HERC1: variants seen among roughly 807,000 people sequenced by gnomAD.
The protein encoded by HERC1 is HECT and RLD domain containing E3 ubiquitin protein ligase family member 1.
A neutral mutation model predicts 554.3 loss-of-function variants in HERC1; 160 were observed. That is an observed-to-expected ratio of 0.29 (90% confidence interval 0.25 to 0.33). The LOEUF (loss-of-function observed/expected upper bound fraction) is 0.33. Among genes scored for constraint, HERC1 ranks in the 10% least tolerant of loss-of-function variants. The pLI is 1.00. For missense variants in HERC1, 4,919 were observed against 5,918.5 expected, an observed-to-expected ratio of 0.83 and a Z score of 5.54; for synonymous variants, 2,175 against 2,131.7, an observed-to-expected ratio of 1.02 and a Z score of -0.56.
chr15:63,746,688 C>T (rs1158105743), intron 12 of HERC1, among the ~76,000 whole-genome samples: 2 of 152,004 alleles, frequency 1.3e-5, no homozygotes, highest in East Asian at 3.9e-4. Context: ...AGAACATATA[C>T]AAGAAAAACC....
chr15:63,612,606 C>G lies in HERC1; in HGVS notation c.14095-50G>C. On this transcript the variant is annotated intron_variant, in intron 76 of 77. Transcript: ENST00000443617. The surrounding 1 kb of genome is among the most constrained non-coding windows in gnomAD (Gnocchi z 5.0). ...TCAATGAGTGTGCGTGAACCTGGCACCCACCAAGGGCCCTGTGGGGCTAGG... is the reference window on the plus strand; with the variant it reads ...TCAATGAGTGTGCGTGAACCTGGCAGCCACCAAGGGCCCTGTGGGGCTAGG... 1 of 1,563,548 alleles carries G rather than the reference C, an allele frequency of 6.4e-7. No homozygotes were observed. Among genetic ancestry groups the G allele is most frequent in the South Asian group, 1.2e-5 (1 of 83,352 alleles).
At chr15:63,617,667 C>A (rs2067882781) in intron 74 of HERC1, among the ~76,000 whole-genome samples, 2 of 152,132 alleles carry the variant, frequency 1.3e-5, no homozygotes, top group South Asian at 4.1e-4. Flanking sequence ...CTCTCCAGCA[C>A]CTGTTGTTTC....
intron 1 of HERC1, among the ~76,000 whole-genome samples, chr15:63,791,805 G>T (rs1452908835): frequency 6.6e-6 from 1 of 152,086 alleles, no homozygotes. Context: ...TAAAGAAGTT[G>T]ATATTTCTTC....
chr15:63,663,587 T>C (rs1388454143), intron 43 of HERC1, among the ~76,000 whole-genome samples: 1 of 152,184 alleles, frequency 6.6e-6, no homozygotes, highest in Non-Finnish European at 1.5e-5. Flanking sequence ...TCTGAGTAGC[T>C]AGGACTACAG....
At chr15:63,609,907 C>T (rs753211813) in intron 77 of HERC1, among the ~76,000 whole-genome samples, 2 of 152,014 alleles carry the variant, frequency 1.3e-5, no homozygotes, top group Admixed American at 1.3e-4. Flanking sequence ...GTTCAGGATA[C>T]ATTAGGAGGT....
intron 17 of HERC1, 34 bp from the exon 18 acceptor site, chr15:63,725,547 T>C (rs766010969): frequency 2.0e-6 from 3 of 1,536,392 alleles, no homozygotes; most frequent in Non-Finnish European, 2.7e-6. Flanking sequence ...TGTGTCTTTA[T>C]CTGGTACTTT....
At chr15:63,739,407 G>C (rs2074695846) in intron 12 of HERC1, among the ~76,000 whole-genome samples, 1 of 151,564 alleles carries the variant, frequency 6.6e-6, no homozygotes, top group South Asian at 2.1e-4. Flanking sequence ...ATGTTGGCCA[G>C]GCTGGTCTCG....
intron 1 of HERC1, among the ~76,000 whole-genome samples, chr15:63,825,748 G>GA (rs1203622724): frequency 2.0e-5 from 3 of 150,676 alleles, no homozygotes; most frequent in East Asian, 1.9e-4. Flanking sequence ...AGAAAACCAC[G>GA]AAAAAAAAGA....
In HERC1 at chr15:63,749,794, GA is replaced by G; in HGVS notation, c.1903-4del. 6.5e-7 allele frequency: 1 copy of G among 1,537,076 alleles called. No homozygotes were observed. The highest frequency in any genetic ancestry group is 8.7e-7 in the Non-Finnish European group (1 of 1,143,590). ...GCTCCACAGCCCCAAGCATAGACCT[GA>G]AAAAAACAGAAATACGTTACACATA... On this transcript the variant is annotated splice_region_variant and splice_polypyrimidine_tract_variant and intron_variant, in intron 8 of 77. Coordinates refer to ENST00000443617, the MANE Select transcript of HERC1 (RefSeq NM_003922.4). This position sits in a 1 kb window ranked among gnomAD's most constrained non-coding sequence, Gnocchi z 4.1.
chr15:63,609,019 A>G lies in HERC1; in HGVS notation c.*62T>C, dbSNP rs2067478920. On this transcript the variant is annotated 3_prime_UTR_variant, in exon 78 of 78. Transcript: ENST00000443617. ...TATGTAGTTACCATAAAAGTATATC[A>G]ACATCAAATCAGAAGTGAGCATTAT... 2.8e-6 allele frequency: 4 copies of G among 1,439,074 alleles called. No homozygotes were observed. The Middle Eastern group carries it at 5.3e-4, about 192-fold the overall frequency. The allele number at this position is 1,439,074 out of a possible 1,614,324, so 89.1% of individuals were successfully genotyped here.
rs2075434890 is a variant in HERC1, at chr15:63,756,910, T to C, written c.1222-162A>G. 6.6e-6 allele frequency among the ~76,000 whole-genome samples: 1 copy of C among 152,224 alleles called. No homozygotes were observed. Among genetic ancestry groups the C allele is most frequent in the Non-Finnish European group, 1.5e-5 (1 of 68,034 alleles). On this transcript the variant is annotated intron_variant, in intron 4 of 77. Coordinates refer to ENST00000443617, the MANE Select transcript of HERC1 (RefSeq NM_003922.4). The surrounding 1 kb of genome is among the most constrained non-coding windows in gnomAD (Gnocchi z 5.0). ...ATACAGAAATCTAAGAGAACACGAA[T>C]GGCCTTTTCATGCTCACAACTTTGT...
chr15:63,652,333 T>C (rs1465219687), intron 52 of HERC1, 81 bp downstream of exon 52: 5 of 1,327,510 alleles, frequency 3.8e-6, no homozygotes, highest in Non-Finnish European at 5.0e-6. Flanking sequence ...AGTGACAATA[T>C]GATTACATTA....
chr15:63,651,960 C>G (rs2069707783), intron 52 of HERC1, among the ~76,000 whole-genome samples: 1 of 152,126 alleles, frequency 6.6e-6, no homozygotes, highest in Non-Finnish European at 1.5e-5. Flanking sequence ...CACTTGAACC[C>G]AGGAGGCAGA....
At chr15:63,814,385 CAT>C (rs2077425862) in intron 1 of HERC1, among the ~76,000 whole-genome samples, 1 of 151,080 alleles carries the variant, frequency 6.6e-6, no homozygotes, top group African/African-American at 2.4e-5. Flanking sequence ...TTCTTTAATA[CAT>C]GTTATTTGCC....
chr15:63,755,451 A>C, intron 5 of HERC1, 126 bp from the exon 6 acceptor site: 1 of 747,960 alleles, frequency 1.3e-6, no homozygotes, highest in South Asian at 1.6e-5. Flanking sequence ...TTCCAGGTAC[A>C]GTTGTGGAGG....
Position 63,609,030 on chromosome 15 carries a change from A to C in HERC1, c.*51T>G. ...CATAAAAGTATATCAACATCAAATC[A>C]GAAGTGAGCATTATTGAGGGAGAGA... On this transcript the variant is annotated 3_prime_UTR_variant, in exon 78 of 78. Transcript: ENST00000443617. The C allele has an allele frequency of 6.6e-7, 1 of 1,517,484 alleles. No individual in the cohort carries two copies. The highest frequency in any genetic ancestry group is 9.0e-7 in the Non-Finnish European group (1 of 1,109,360). 94.0% of individuals were successfully genotyped at this position (1,517,484 alleles called of 1,614,324 possible).
rs897453024 is a variant in HERC1, at chr15:63,678,503, C to T, written c.6550-138G>A. On this transcript the variant is annotated intron_variant, in intron 36 of 77. Coordinates refer to ENST00000443617, the MANE Select transcript of HERC1 (RefSeq NM_003922.4). ...CATGTGAATTATACCAACTGGCCCCCAAAGAGTAAGGAAATGTCACAGACA... is the reference window on the plus strand; with the variant it reads ...CATGTGAATTATACCAACTGGCCCCTAAAGAGTAAGGAAATGTCACAGACA... 3.0e-5 allele frequency: 30 copies of T among 1,008,924 alleles called. No individual in the cohort carries two copies. The African/African-American group carries it at 3.6e-4, about 12-fold the overall frequency. The allele number at this position is 1,008,924 out of a possible 1,614,324, so 62.5% of individuals were successfully genotyped here. A position where few individuals can be genotyped will look rare whatever the true frequency, so the allele number is the denominator to read the frequency against.
At chr15:63,782,129 A>G (rs1300457450) in intron 1 of HERC1, among the ~76,000 whole-genome samples, 1 of 152,248 alleles carries the variant, frequency 6.6e-6, no homozygotes, top group Non-Finnish European at 1.5e-5. Flanking sequence ...TATCCAGAAT[A>G]TCTACCTAAG....
intron 45 of HERC1, among the ~76,000 whole-genome samples, chr15:63,661,243 T>A (rs766186110): frequency 6.6e-6 from 1 of 152,112 alleles, no homozygotes; most frequent in Non-Finnish European, 1.5e-5. Context: ...ACTGGGGAGA[T>A]TTCTGGGTTA....
Sources: allele counts gnomAD v4.1 joint callset (sites outside exome capture counted in the v4.1 genomes callset), GRCh38; gene constraint gnomAD v4.1.1; non-coding constraint Gnocchi (gnomAD v3.1); transcripts MANE v1.5; gene names NCBI Gene and HGNC (gene_info 2026-07-23, HGNC 2026-07-21).